The following BBS4 variants were observed in gnomAD, a reference collection of about 807,000 sequenced individuals.
BBS4 encodes Bardet-Biedl syndrome 4, also known as BBSome complex member BBS4.
In BBS4, 58 loss-of-function variants were observed where a neutral mutation model predicts 71.4. That is an observed-to-expected ratio of 0.81 (90% confidence interval 0.66 to 1.01). The LOEUF is 1.01. Ranked by LOEUF, BBS4 falls within the 50% of genes least tolerant of loss-of-function variation. BBS4 has a pLI of 0.00. For missense variants in BBS4, 660 were observed against 607.9 expected (o/e 1.09, Z -0.90); for synonymous variants, 228 against 216.8 (o/e 1.05, Z -0.46).
At chr15:72,719,749 CTT>C (rs200252138) in intron 6 of BBS4, among the ~76,000 whole-genome samples, 1 of 43,238 alleles carries the variant, frequency 2.3e-5, no homozygotes, top group African/African-American at 7.6e-5. Context: ...AACAGCCATT[CTT>C]TTTTTTTTTT....
intron 1 of BBS4, among the ~76,000 whole-genome samples, chr15:72,694,213 C>T (rs1283607588): frequency 7.8e-5 from 11 of 141,594 alleles, no homozygotes; most frequent in Non-Finnish European, 1.7e-4. Context: ...TTTTTTGAGA[C>T]GTAGTCTTGC....
intron 2 of BBS4, among the ~76,000 whole-genome samples, chr15:72,699,894 G>C (rs1326854302): frequency 6.6e-6 from 1 of 152,174 alleles, no homozygotes; most frequent in Non-Finnish European, 1.5e-5. Context: ...TCCTGTTAAT[G>C]AGTATTTGCA....
intron 1 of BBS4, among the ~76,000 whole-genome samples, chr15:72,693,863 A>T (rs1024346679): frequency 2.0e-5 from 3 of 151,732 alleles, no homozygotes; most frequent in Non-Finnish European, 4.4e-5. Context: ...GCCAGCTGTC[A>T]GTCTTTTTTG....
intron 1 of BBS4, chr15:72,686,506 T>C: frequency 6.6e-7 from 1 of 1,518,182 alleles, no homozygotes; most frequent in African/African-American, 1.4e-5. Context: ...AAGGGAGACT[T>C]TTCACCAGTA....
chr15:72,699,807 T>C (rs2065138861), intron 2 of BBS4, among the ~76,000 whole-genome samples: 1 of 152,260 alleles, frequency 6.6e-6, no homozygotes, highest in Non-Finnish European at 1.5e-5. Context: ...CGTGTTGTTA[T>C]ATGTATCAGT....
At chr15:72,708,080 C>T (rs2065297413) in intron 2 of BBS4, among the ~76,000 whole-genome samples, 1 of 152,038 alleles carries the variant, frequency 6.6e-6, no homozygotes, top group Non-Finnish European at 1.5e-5. Flanking sequence ...GATGCTCCTG[C>T]CTCAGCCTCC....
chr15:72,723,360 A>G (rs566514885), intron 7 of BBS4, among the ~76,000 whole-genome samples: 9 of 152,354 alleles, frequency 5.9e-5, no homozygotes, highest in African/African-American at 1.9e-4. Context: ...ATAGACTCCT[A>G]TATCAGAGAA....
chr15:72,714,512 C>T (rs2065434753), intron 4 of BBS4, among the ~76,000 whole-genome samples: 1 of 152,190 alleles, frequency 6.6e-6, no homozygotes. Context: ...AGGCATGAAC[C>T]ACTGCACCTG....
At chr15:72,722,700 C>T (rs942246386) in intron 6 of BBS4, 94 bp from the exon 7 acceptor site, 15 of 1,155,212 alleles carry the variant, frequency 1.3e-5, no homozygotes, top group Admixed American at 7.0e-5. Flanking sequence ...TAAACCTTGC[C>T]GAGCAATAAC....
At chr15:72,694,747 C>A (rs2065044901) in intron 1 of BBS4, among the ~76,000 whole-genome samples, 2 of 152,140 alleles carry the variant, frequency 1.3e-5, no homozygotes, top group African/African-American at 4.8e-5. Flanking sequence ...AAATAACTAT[C>A]TCCCTTTTAG....
At chr15:72,697,972 G>T (rs528059691) in intron 2 of BBS4, 275 of 455,858 alleles carry the variant, frequency 6.0e-4, no homozygotes, top group Admixed American at 4.5e-4. Flanking sequence ...TCTTCCTTTT[G>T]CCCCATGATG....
At chr15:72,737,102 C>A (rs1357677518) in intron 15 of BBS4, 139 bp downstream of exon 15, 2 of 1,063,570 alleles carry the variant, frequency 1.9e-6, no homozygotes, top group Non-Finnish European at 2.8e-6. Flanking sequence ...AGAAAAAAAA[C>A]ACAGGGTGGC....
At chr15:72,730,000 G>A (rs927244631) in intron 10 of BBS4, among the ~76,000 whole-genome samples, 7 of 152,162 alleles carry the variant, frequency 4.6e-5, no homozygotes, top group Non-Finnish European at 8.8e-5. Context: ...TCTGCGGCCC[G>A]GCGCGGTGGC....
At position 72,736,937 on chromosome 15, in the gene BBS4, C is replaced by T. The variant is rs1357501940; in HGVS notation, c.1424C>T (p.Ala475Val). ...GCTCTAGGACAGGCAATGTCTTCAG[C>T]AGCTGCATACAGGACGCTCCCCTCA... ...NQALGQAMSSAAAYRTLPSGA... is the reference protein window; with the variant it reads ...NQALGQAMSSVAAYRTLPSGA... The change falls in exon 15 of 16, where the codon GCA becomes GTA. Residue 475 changes from alanine to valine, a missense_variant. By Grantham distance (64) the Ala-to-Val change is moderately conservative. Coordinates refer to ENST00000268057, the MANE Select transcript of BBS4 (RefSeq NM_033028.5). 1 of 1,614,186 alleles carries T rather than the reference C, an allele frequency of 6.2e-7. No homozygotes were observed. The highest frequency in any genetic ancestry group is 1.1e-5 in the South Asian group (1 of 91,086).
rs1308969071 is a variant in BBS4, at chr15:72,736,678, C to T, written c.1249-84C>T. On this transcript the variant is annotated intron_variant, in intron 14 of 15. Coordinates refer to ENST00000268057, the MANE Select transcript of BBS4 (RefSeq NM_033028.5). The stretch of plus-strand genomic sequence containing the variant: ...CGACCAGACACTATTTCAGCTAAAA[C>T]CCCAGCTCGAAGACCAAAGAAGTGG... 8 of 1,340,890 alleles carry T rather than the reference C, an allele frequency of 6.0e-6. No individual in the cohort carries two copies. In the East Asian group the frequency reaches 7.0e-5, roughly 12 times the overall value. 83.1% of individuals were successfully genotyped at this position (1,340,890 alleles called of 1,614,324 possible).
chr15:72,690,496 CT>C (rs969059466), intron 1 of BBS4, among the ~76,000 whole-genome samples: 1 of 152,210 alleles, frequency 6.6e-6, no homozygotes, highest in Non-Finnish European at 1.5e-5. Flanking sequence ...CTTTTTGAGT[CT>C]TTAACATTCT....
intron 2 of BBS4, among the ~76,000 whole-genome samples, chr15:72,701,420 A>G (rs2065166365): frequency 6.6e-6 from 1 of 152,206 alleles, no homozygotes. Context: ...TAATGCCACC[A>G]TGAAGAGTCT....
chr15:72,733,219 C>T (rs1852577244), intron 12 of BBS4, among the ~76,000 whole-genome samples: 1 of 152,070 alleles, frequency 6.6e-6, no homozygotes, highest in African/African-American at 2.4e-5. Flanking sequence ...ACTTGGGAGG[C>T]TAAGGCAGGA....
intron 13 of BBS4, 82 bp from the exon 14 acceptor site, chr15:72,735,743 T>C: frequency 1.3e-6 from 2 of 1,574,158 alleles, no homozygotes; most frequent in Non-Finnish European, 1.7e-6. Flanking sequence ...CAGTTTTGTT[T>C]TGTTTTTGTG....
Sources: gnomAD v4.1 joint callset for allele counts (sites outside exome capture counted in the v4.1 genomes callset) on GRCh38, gnomAD v4.1.1 for gene constraint, MANE v1.5 for transcripts, NCBI Gene and HGNC (gene_info 2026-07-23, HGNC 2026-07-21) for gene names.